ROBO1: variants seen among roughly 807,000 people sequenced by gnomAD.
The protein encoded by ROBO1 is roundabout homolog 1.
In ROBO1, 149 loss-of-function variants were observed where a neutral mutation model predicts 195.9. The ratio of observed to expected loss-of-function variants is 0.76; its 90% CI spans 0.67 to 0.87. The LOEUF is 0.87. Among genes scored for constraint, ROBO1 ranks in the 40% least tolerant of loss-of-function variants. The probability of loss-of-function intolerance (pLI) is 0.00; values close to 1 mark genes in which losing one functional copy is unlikely to be tolerated. For synonymous variants in ROBO1, 816 were observed against 733.2 expected, an observed-to-expected ratio of 1.11 and a Z score of -1.82; for missense variants, 1,933 against 2,068.3, an observed-to-expected ratio of 0.93 and a Z score of 1.27.
intron 4 of ROBO1, among the ~76,000 whole-genome samples, chr3:78,758,408 C>A (rs900842003): frequency 1.8e-4 from 28 of 151,428 alleles, no homozygotes; most frequent in Admixed American, 1.6e-3. Flanking sequence ...GCCTGTAGTC[C>A]CGCTACTTGG....
intron 4 of ROBO1, among the ~76,000 whole-genome samples, chr3:78,884,640 AAAGAAAGAAAGGAAGGAAGGAAGGAAGG>A (rs2036406459): frequency 2.3e-5 from 2 of 86,972 alleles, no homozygotes; most frequent in African/African-American, 1.0e-4. Flanking sequence ...AAAGAGAAAG[AAAGAAAGAAAGGAAGGAAGGAAGGAAGG>A]AAGGAAGGAA....
At chr3:79,223,676 G>A (rs1168114316) in intron 2 of ROBO1, among the ~76,000 whole-genome samples, 1 of 152,066 alleles carries the variant, frequency 6.6e-6, no homozygotes, top group African/African-American at 2.4e-5. Context: ...TACACAACAT[G>A]TTTACAATCC....
chr3:79,107,373 A>G lies in ROBO1; in HGVS notation c.172+18083T>C, dbSNP rs1156478295. ...TATCTGATAAATTGTGTTAAAATTA[A>G]TGCTCAATTCATTGTTTCATTATAA... On this transcript the variant is annotated intron_variant, in intron 3 of 30. Transcript: ENST00000464233. Among the ~76,000 whole-genome samples the G allele has an allele frequency of 2.6e-5, 4 of 151,942 alleles. No individual in the cohort carries two copies. The East Asian group carries it at 7.7e-4, about 29-fold the overall frequency.
intron 3 of ROBO1, among the ~76,000 whole-genome samples, chr3:79,074,070 T>C (rs997283683): frequency 1.3e-5 from 2 of 151,904 alleles, no homozygotes; most frequent in Middle Eastern, 3.2e-3. Flanking sequence ...CATTGTTCTT[T>C]AATTGATTGT....
At chr3:78,817,167 ATTG>A (rs752747690) in intron 4 of ROBO1, among the ~76,000 whole-genome samples, 42 of 152,144 alleles carry the variant, frequency 2.8e-4, no homozygotes, top group Admixed American at 1.0e-3. Flanking sequence ...GGCAAACTTC[ATTG>A]TTGTCTTATT....
At chr3:79,662,324 C>A (rs1248428464) in intron 1 of ROBO1, among the ~76,000 whole-genome samples, 1 of 152,090 alleles carries the variant, frequency 6.6e-6, no homozygotes, top group African/African-American at 2.4e-5. Context: ...CAGTTTCTTG[C>A]AAATGTTCTA....
intron 3 of ROBO1, among the ~76,000 whole-genome samples, chr3:79,009,364 G>T (rs978131679): frequency 2.6e-5 from 4 of 151,912 alleles, no homozygotes; most frequent in Non-Finnish European, 2.9e-5. Context: ...AAGAAACTGG[G>T]GAAAGCTTCA....
intron 9 of ROBO1, among the ~76,000 whole-genome samples, chr3:78,686,570 AAT>A (rs1207999539): frequency 3.4e-5 from 5 of 147,200 alleles, no homozygotes; most frequent in Non-Finnish European, 6.0e-5. Flanking sequence ...AAAAAAAAAA[AAT>A]TAACTATCAT....
chr3:79,079,218 T>TA (rs1192296464), intron 3 of ROBO1, among the ~76,000 whole-genome samples: 4 of 151,774 alleles, frequency 2.6e-5, no homozygotes, highest in Non-Finnish European at 5.9e-5. Context: ...TTCAGACTTT[T>TA]AAAAAAATCA....
intron 2 of ROBO1, among the ~76,000 whole-genome samples, chr3:79,583,252 A>C (rs959822406): frequency 6.6e-6 from 1 of 152,004 alleles, no homozygotes; most frequent in African/African-American, 2.4e-5. Flanking sequence ...GTTTGAATTA[A>C]CTACTCTGTT....
chr3:79,109,974 A>T (rs1206592726), intron 3 of ROBO1, among the ~76,000 whole-genome samples: 1 of 152,182 alleles, frequency 6.6e-6, no homozygotes, highest in Non-Finnish European at 1.5e-5. Context: ...TATTAATAAT[A>T]CATGAAGCTT....
intron 4 of ROBO1, among the ~76,000 whole-genome samples, chr3:78,767,655 G>C (rs113672169): frequency 0.054 from 8,148 of 152,168 alleles, 298 homozygotes; most frequent in Middle Eastern, 0.11. Flanking sequence ...AAGCTAGAAG[G>C]GTTGTATTTT....
intron 2 of ROBO1, among the ~76,000 whole-genome samples, chr3:79,282,934 T>C (rs1360143798): frequency 6.6e-6 from 1 of 152,148 alleles, no homozygotes. Context: ...ATCTAACACA[T>C]TTCAGGTTGA....
intron 3 of ROBO1, among the ~76,000 whole-genome samples, chr3:78,947,991 A>C (rs546907054): frequency 6.6e-6 from 1 of 152,346 alleles, no homozygotes; most frequent in South Asian, 2.1e-4. Flanking sequence ...TGAATCTCTG[A>C]ATAGACCAAT....
At chr3:78,706,327 T>A (rs569230697) in intron 8 of ROBO1, among the ~76,000 whole-genome samples, 2,530 of 151,828 alleles carry the variant, frequency 0.017, 67 homozygotes, top group African/African-American at 0.057. Flanking sequence ...ACAAAAGAAA[T>A]ATAGGAATAT....
chr3:79,018,299 GC>G, intron 3 of ROBO1: 1 of 1,257,834 alleles, frequency 8.0e-7, no homozygotes, highest in South Asian at 1.3e-5. Context: ...AGCCCCTCCG[GC>G]CTTAGGAGGG....
intron 4 of ROBO1, among the ~76,000 whole-genome samples, chr3:78,877,134 A>G (rs1055933368): frequency 6.6e-6 from 1 of 152,180 alleles, no homozygotes; most frequent in African/African-American, 2.4e-5. Flanking sequence ...TTAAAATGAT[A>G]AACACAAAAG....
At chr3:78,849,046 G>T (rs1310626890) in intron 4 of ROBO1, among the ~76,000 whole-genome samples, 1 of 152,120 alleles carries the variant, frequency 6.6e-6, no homozygotes, top group African/African-American at 2.4e-5. Context: ...GGAAAGAGAA[G>T]AGTCAAGGGT....
intron 2 of ROBO1, among the ~76,000 whole-genome samples, chr3:79,406,359 G>C (rs1486497012): frequency 1.3e-5 from 2 of 151,894 alleles, no homozygotes; most frequent in Non-Finnish European, 2.9e-5. Flanking sequence ...CTTGAGCCTG[G>C]AGGTCAATGC....
Sources: allele counts gnomAD v4.1 joint callset (sites outside exome capture counted in the v4.1 genomes callset), GRCh38; gene constraint gnomAD v4.1.1; transcripts MANE v1.5; gene names NCBI Gene and HGNC (gene_info 2026-07-23, HGNC 2026-07-21).